Variants in TFEB observed in about 807,000 individuals in gnomAD.
TFEB encodes transcription factor EB, also known as T-cell transcription factor EB.
TFEB carries 12 observed loss-of-function variants against 48.0 expected under a neutral mutation model. The observed-to-expected ratio is 0.25, with a 90% confidence interval of 0.16 to 0.40. The LOEUF is 0.40. TFEB is among the 10% of genes least tolerant of loss of function. TFEB has a pLI of 1.00. For missense variants in TFEB, 509 were observed against 640.3 expected (o/e 0.79, Z 2.21); for synonymous variants, 244 against 261.4 (o/e 0.93, Z 0.64).
Position 41,684,904 on chromosome 6 carries a change from G to T in TFEB, c.1126C>A (p.Pro376Thr). 6.4e-7 allele frequency: 1 copy of T among 1,568,612 alleles called. No homozygotes were observed. Among genetic ancestry groups the T allele is most frequent in the Non-Finnish European group, 8.6e-7 (1 of 1,156,882 alleles). The change falls in exon 9 of 9, where the codon CCC becomes ACC. Residue 376 changes from proline to threonine, a missense_variant. By Grantham distance (38) the Pro-to-Thr change is conservative. Transcript: ENST00000373033. ...VPDPEPLPAL[P>T]PQAPLPLPTQ... ...GGCAGGGGCAGCGGGGCTTGCGGGG[G>T]CAGAGCTGGCAGTGGCTCAGGGTCA... is the stretch of plus-strand genomic sequence containing the variant.
In TFEB at chr6:41,720,217, G is replaced by A. The variant is rs574808919; in HGVS notation, c.-23+15133C>T. Among the ~76,000 whole-genome samples, 3 of 152,290 alleles carry A rather than the reference G, an allele frequency of 2.0e-5. No individual in the cohort carries two copies. In the East Asian group the frequency reaches 5.8e-4, roughly 29 times the overall value. On this transcript the variant is annotated intron_variant, in intron 1 of 8. Coordinates refer to ENST00000373033, the MANE Select transcript of TFEB (RefSeq NM_001271944.2). This position sits in a 1 kb window ranked among gnomAD's most constrained non-coding sequence, Gnocchi z 4.1. Reference sequence around the variant, plus strand: ...AGCTGGGACTCCTGGGGTACTCAATGAAGAGTGGAGCTTTAGAGGTTGGGG... The same window carrying A: ...AGCTGGGACTCCTGGGGTACTCAATAAAGAGTGGAGCTTTAGAGGTTGGGG...
intron 1 of TFEB, among the ~76,000 whole-genome samples, chr6:41,726,968 C>A (rs1014996745): frequency 6.6e-6 from 1 of 152,154 alleles, no homozygotes; most frequent in African/African-American, 2.4e-5. Context: ...ATGCTTGGGG[C>A]TGTCTAGGGA....
intron 1 of TFEB, among the ~76,000 whole-genome samples, chr6:41,727,323 G>A (rs1014636034): frequency 6.6e-6 from 1 of 152,214 alleles, no homozygotes; most frequent in Non-Finnish European, 1.5e-5. Flanking sequence ...GCAGGAGAGA[G>A]AGAGATAGTC....
chr6:41,726,336 G>A (rs762627594), intron 1 of TFEB, among the ~76,000 whole-genome samples: 6 of 152,180 alleles, frequency 3.9e-5, no homozygotes, highest in South Asian at 2.1e-4. Context: ...GCTGATTATC[G>A]TACAGTCAGG....
At position 41,716,542 on chromosome 6, in the gene TFEB, G is replaced by A. The variant is rs562219989; in HGVS notation, c.-23+18808C>T. ...TCCTGGGAGAGCAATCAACGCACAA[G>A]CATGAATAGGACACCTACTGCATGC... On this transcript the variant is annotated intron_variant, in intron 1 of 8. Transcript: ENST00000373033. 3.9e-5 allele frequency among the ~76,000 whole-genome samples: 6 copies of A among 152,306 alleles called. No homozygotes were observed. In the East Asian group the frequency reaches 9.6e-4, roughly 24 times the overall value.
rs116414767 is a variant in TFEB, at chr6:41,687,612, G to A, written c.727+141C>T. ...CCAGGCACCACTGAGCGACAGCAATGGGAGGGCTTAAGCCATCTGCAAGTG... is the reference window on the plus strand; with the variant it reads ...CCAGGCACCACTGAGCGACAGCAATAGGAGGGCTTAAGCCATCTGCAAGTG... On this transcript the variant is annotated intron_variant, in intron 6 of 8. Coordinates refer to ENST00000373033, the MANE Select transcript of TFEB (RefSeq NM_001271944.2). The A allele has an allele frequency of 9.6e-3, 9,901 of 1,028,008 alleles. 64 individuals are homozygous for A. The highest frequency in any genetic ancestry group is 0.012 in the Non-Finnish European group (7,892 of 674,572). 63.7% of individuals were successfully genotyped at this position (1,028,008 alleles called of 1,614,324 possible).
In TFEB at chr6:41,723,540, A is replaced by G. The variant is rs1771076995; in HGVS notation, c.-23+11810T>C. The stretch of plus-strand genomic sequence containing the variant: ...GGGCCGGAGCCCAGGGCCGCACCCC[A>G]GCCCCAGGGCCGGGCTCAGTTTCCT... On this transcript the variant is annotated intron_variant, in intron 1 of 8. Transcript: ENST00000373033. This position sits in a 1 kb window ranked among gnomAD's most constrained non-coding sequence, Gnocchi z 6.0. 7.8e-7 allele frequency: 1 copy of G among 1,281,198 alleles called. No individual in the cohort carries two copies. Among genetic ancestry groups the G allele is most frequent in the African/African-American group, 1.5e-5 (1 of 65,380 alleles). 79.4% of individuals were successfully genotyped at this position (1,281,198 alleles called of 1,614,324 possible).
intron 1 of TFEB, among the ~76,000 whole-genome samples, chr6:41,727,272 GA>G (rs1771252896): frequency 6.6e-6 from 1 of 152,244 alleles, no homozygotes; most frequent in African/African-American, 2.4e-5. Flanking sequence ...GAAGGTGGCA[GA>G]GAAGGAAATA....
intron 4 of TFEB, among the ~76,000 whole-genome samples, chr6:41,689,353 A>G (rs979442712): frequency 6.6e-6 from 1 of 152,120 alleles, no homozygotes; most frequent in African/African-American, 2.4e-5. Flanking sequence ...GGGGAGGCCC[A>G]GGTCCCCAAA....
At chr6:41,732,452 T>C (rs928944518) in intron 1 of TFEB, among the ~76,000 whole-genome samples, 1 of 152,216 alleles carries the variant, frequency 6.6e-6, no homozygotes, top group African/African-American at 2.4e-5. Context: ...TCAATCTTAT[T>C]ATAATATTGT....
In TFEB at chr6:41,720,416, C is replaced by T. The variant is rs1770929020; in HGVS notation, c.-23+14934G>A. ...TCTCCAGACAGGCAGCTGATGTCCT[C>T]ATGACCTTCCCCAGTCCTCCCAGCC... On this transcript the variant is annotated intron_variant, in intron 1 of 8. Transcript: ENST00000373033. The surrounding 1 kb of genome is among the most constrained non-coding windows in gnomAD (Gnocchi z 4.1). 6.6e-6 allele frequency: 1 copy of T among 152,384 alleles called. No homozygotes were observed. Among genetic ancestry groups the T allele is most frequent in the South Asian group, 2.1e-4 (1 of 4,828 alleles). The allele number at this position is 152,384 out of a possible 1,614,324, so 9.4% of individuals were successfully genotyped here.
In TFEB at chr6:41,687,996, G is replaced by A. The variant is rs1236985036; in HGVS notation, c.582C>T (p.Tyr194=). Residue 194 remains tyrosine, a synonymous_variant, in exon 5 of 9, where the codon TAC becomes TAT. Transcript: ENST00000373033. Reference sequence around the variant, plus strand: ...AGGCTGTGACCTGGGGGTCGCTGCTGTACACATTCAGGTGGCTGCTGGACA... The same window carrying A: ...AGGCTGTGACCTGGGGGTCGCTGCTATACACATTCAGGTGGCTGCTGGACA... ...LPLSSSHLNV[Y]SSDPQVTASL... 1 of 1,613,488 alleles carries A rather than the reference G, an allele frequency of 6.2e-7. No individual in the cohort carries two copies. The highest frequency in any genetic ancestry group is 8.5e-7 in the Non-Finnish European group (1 of 1,179,658).
rs758600931 is a variant in TFEB at position 41,684,974 on chromosome 6, G to T, written c.1056C>A (p.Ser352Arg). 3 of 1,576,340 alleles carry T rather than the reference G, an allele frequency of 1.9e-6. No homozygotes were observed. The Admixed American group carries it at 5.5e-5, about 29-fold the overall frequency. ...TCAGGGCCTCCCCTGGGCCCTCTTC[G>T]CTAGGCAGCTCCTGCTTCACCACCT... ...AQQVVKQELPSEEGPGEALML... is the reference protein window; with the variant it reads ...AQQVVKQELPREEGPGEALML... Residue 352 changes from serine (S) to arginine (R), a missense_variant, in exon 9 of 9, where the codon AGC (serine) becomes AGA (arginine). Ser to Arg is a moderately radical substitution (Grantham distance 110). Transcript: ENST00000373033.
intron 3 of TFEB, 151 bp downstream of exon 3, chr6:41,690,512 T>C (rs1769245011): frequency 3.3e-6 from 3 of 902,080 alleles, no homozygotes; most frequent in Non-Finnish European, 4.5e-6. Flanking sequence ...CCCCCTGAGA[T>C]TGGGGCTCCC....
At chr6:41,722,323 T>C (rs1014163408) in intron 1 of TFEB, among the ~76,000 whole-genome samples, 3 of 152,192 alleles carry the variant, frequency 2.0e-5, no homozygotes, top group African/African-American at 7.2e-5. Flanking sequence ...GTGGGTTACT[T>C]TGATTACTTA....
intron 1 of TFEB, chr6:41,733,989 G>T: frequency 1.9e-6 from 1 of 528,438 alleles, no homozygotes; most frequent in Non-Finnish European, 2.4e-6. Flanking sequence ...TGTCACTGGG[G>T]GCCTGCATCC....
At chr6:41,689,904 G>C in intron 3 of TFEB, 93 bp from the exon 4 acceptor site, 1 of 937,756 alleles carries the variant, frequency 1.1e-6, no homozygotes, top group Admixed American at 2.0e-5. Flanking sequence ...GAGGGACCTT[G>C]GAGCCCACCT....
At chr6:41,735,189 C>T in intron 1 of TFEB, 161 bp downstream of exon 1, 1 of 906,556 alleles carries the variant, frequency 1.1e-6, no homozygotes, top group Non-Finnish European at 1.3e-6. Flanking sequence ...CGGGGGCGGA[C>T]GGACTGCGGG....
chr6:41,684,703 G>T lies in TFEB; in HGVS notation c.1327C>A (p.Leu443Ile). The T allele has an allele frequency of 6.2e-7, 1 of 1,613,810 alleles. No individual in the cohort carries two copies. Among genetic ancestry groups the T allele is most frequent in the Non-Finnish European group, 8.5e-7 (1 of 1,179,936 alleles). Residue 443 changes from leucine (L) to isoleucine (I), a missense_variant, in exon 9 of 9, where the codon CTA (leucine) becomes ATA (isoleucine). Leu to Ile is a conservative substitution (Grantham distance 5). Transcript: ENST00000373033. ...LDLMLLDDSLLPLASDPLLST... is the reference protein window; with the variant it reads ...LDLMLLDDSLIPLASDPLLST... ...AGAAGTGGATCAGAGGCCAGCGGTA[G>T]CAGTGAGTCGTCCAGGAGCATGAGG...
Sources: gnomAD v4.1 joint callset for allele counts (sites outside exome capture counted in the v4.1 genomes callset) on GRCh38, gnomAD v4.1.1 for gene constraint, Gnocchi (gnomAD v3.1) non-coding constraint, MANE v1.5 for transcripts, NCBI Gene and HGNC (gene_info 2026-07-23, HGNC 2026-07-21) for gene names.